The following CNTN5 variants were observed in gnomAD, a reference collection of about 807,000 sequenced individuals.
CNTN5 encodes the protein contactin 5.
CNTN5 carries 77 observed loss-of-function variants against 129.1 expected under a neutral mutation model. That is an observed-to-expected ratio of 0.60 (90% CI 0.50 to 0.72). The LOEUF (loss-of-function observed/expected upper bound fraction) is 0.72, where lower values mean the gene tolerates loss of function less well. CNTN5 is among the 30% of genes least tolerant of loss of function. The pLI, the probability that CNTN5 is intolerant of heterozygous loss-of-function variation, is 0.00. For missense variants in CNTN5, 1,478 were observed against 1,328.8 expected (o/e 1.11, Z -1.75); for synonymous variants, 509 against 465.6 (o/e 1.09, Z -1.20).
At chr11:99,039,631 T>C (rs940467749) in intron 1 of CNTN5, among the ~76,000 whole-genome samples, 3 of 152,108 alleles carry the variant, frequency 2.0e-5, no homozygotes, top group African/African-American at 4.8e-5. Flanking sequence ...GTCACACAAT[T>C]AAAATTACCT....
At chr11:100,263,217 CTGAG>C (rs955259248) in intron 17 of CNTN5, among the ~76,000 whole-genome samples, 6 of 152,234 alleles carry the variant, frequency 3.9e-5, no homozygotes, top group Admixed American at 2.0e-4. Flanking sequence ...ATTGTCCATA[CTGAG>C]TAACAACTGT....
chr11:99,671,097 G>C (rs772982416), intron 3 of CNTN5, among the ~76,000 whole-genome samples: 1 of 150,370 alleles, frequency 6.7e-6, no homozygotes, highest in Non-Finnish European at 1.5e-5. Context: ...GAGTTCTCTC[G>C]CTCGCTCGCT....
At chr11:100,030,191 A>G (rs964739099) in intron 9 of CNTN5, among the ~76,000 whole-genome samples, 1 of 144,738 alleles carries the variant, frequency 6.9e-6, no homozygotes, top group Non-Finnish European at 1.5e-5. Flanking sequence ...CCTGGGCAAT[A>G]TAGAAAGACC....
At chr11:100,063,706 T>TAAAAAAAA (rs35896237) in intron 10 of CNTN5, among the ~76,000 whole-genome samples, 5,311 of 114,648 alleles carry the variant, frequency 0.046, 137 homozygotes, top group East Asian at 0.091. Flanking sequence ...AACCTGTCTC[T>TAAAAAAAA]AAAAAAAAAA....
At chr11:100,201,287 G>C (rs1287629533) in intron 15 of CNTN5, among the ~76,000 whole-genome samples, 1 of 151,680 alleles carries the variant, frequency 6.6e-6, no homozygotes, top group Non-Finnish European at 1.5e-5. Flanking sequence ...GCAATCAATG[G>C]CTCCTGGCTT....
At chr11:99,266,748 G>C (rs772780922) in intron 1 of CNTN5, among the ~76,000 whole-genome samples, 2 of 152,020 alleles carry the variant, frequency 1.3e-5, no homozygotes, top group Non-Finnish European at 2.9e-5. Context: ...TAAGGGACTT[G>C]AGCATCTGCA....
At chr11:99,448,135 A>C (rs1418724309) in intron 2 of CNTN5, among the ~76,000 whole-genome samples, 2 of 152,190 alleles carry the variant, frequency 1.3e-5, no homozygotes, top group Non-Finnish European at 1.5e-5. Context: ...TTATCGCTAA[A>C]TGTGTTACAG....
At chr11:99,456,375 G>A (rs927708512) in intron 2 of CNTN5, among the ~76,000 whole-genome samples, 11 of 151,978 alleles carry the variant, frequency 7.2e-5, no homozygotes, top group African/African-American at 2.7e-4. Context: ...ATTACCTTTG[G>A]ATATCATTTC....
intron 3 of CNTN5, among the ~76,000 whole-genome samples, chr11:99,792,690 A>G (rs1945795469): frequency 6.6e-6 from 1 of 151,918 alleles, no homozygotes; most frequent in Admixed American, 6.6e-5. Flanking sequence ...TTTCATTGGA[A>G]TGGTAGCAGC....
intron 1 of CNTN5, among the ~76,000 whole-genome samples, chr11:99,319,093 G>T (rs1233507464): frequency 6.6e-6 from 1 of 152,058 alleles, no homozygotes; most frequent in Non-Finnish European, 1.5e-5. Flanking sequence ...GGGGGAAAAA[G>T]CAAAACAAAA....
At chr11:99,450,768 GTTTTTTTTTTT>G (rs34146715) in intron 2 of CNTN5, among the ~76,000 whole-genome samples, 2 of 105,004 alleles carry the variant, frequency 1.9e-5, no homozygotes, top group African/African-American at 7.1e-5. Flanking sequence ...ATTGAAGCAA[GTTTTTTTTTTT>G]TTTTTTTTTT....
intron 1 of CNTN5, among the ~76,000 whole-genome samples, chr11:99,233,455 T>C (rs762586548): frequency 6.6e-6 from 1 of 152,200 alleles, no homozygotes; most frequent in Non-Finnish European, 1.5e-5. Flanking sequence ...AACATACTGG[T>C]ATAAATTGTA....
intron 2 of CNTN5, among the ~76,000 whole-genome samples, chr11:99,416,873 C>G (rs1405147395): frequency 6.6e-6 from 1 of 152,140 alleles, no homozygotes; most frequent in Admixed American, 6.6e-5. Flanking sequence ...CAATTGTTCT[C>G]TCCCACTTGG....
chr11:100,178,394 A>C (rs972818533), intron 13 of CNTN5, among the ~76,000 whole-genome samples: 10 of 152,138 alleles, frequency 6.6e-5, no homozygotes, highest in Non-Finnish European at 1.3e-4. Context: ...ATCTGTATCA[A>C]ATCTTGTCCA....
At chr11:99,862,479 T>C (rs768827804) in intron 6 of CNTN5, among the ~76,000 whole-genome samples, 5 of 152,114 alleles carry the variant, frequency 3.3e-5, no homozygotes, top group Non-Finnish European at 1.5e-5. Context: ...GCCTGTCTCA[T>C]TTCCAAAATG....
chr11:100,183,941 A>G (rs1174249353), intron 13 of CNTN5, among the ~76,000 whole-genome samples: 1 of 151,872 alleles, frequency 6.6e-6, no homozygotes, highest in Non-Finnish European at 1.5e-5. Context: ...TGCCATCAGG[A>G]TTGGCCATTT....
chr11:99,754,964 A>G (rs756265973), intron 3 of CNTN5, among the ~76,000 whole-genome samples: 3 of 151,756 alleles, frequency 2.0e-5, no homozygotes, highest in South Asian at 2.1e-4. Context: ...TCATGTTATT[A>G]TTTCCACAGT....
chr11:99,727,337 C>T (rs1054435361), intron 3 of CNTN5, among the ~76,000 whole-genome samples: 5 of 118,116 alleles, frequency 4.2e-5, no homozygotes, highest in African/African-American at 1.7e-4. Context: ...AAAAAAAATT[C>T]CAGGGCATTG....
At chr11:99,719,448 A>T (rs1943093934) in intron 3 of CNTN5, among the ~76,000 whole-genome samples, 1 of 152,118 alleles carries the variant, frequency 6.6e-6, no homozygotes, top group African/African-American at 2.4e-5. Context: ...TGCAAATTTA[A>T]TATATGCTTT....
Sources: allele counts gnomAD v4.1 joint callset (sites outside exome capture counted in the v4.1 genomes callset), GRCh38; gene constraint gnomAD v4.1.1; transcripts MANE v1.5; gene names NCBI Gene and HGNC (gene_info 2026-07-23, HGNC 2026-07-21).